The following PWWP2A variants were observed in gnomAD, a reference collection of about 807,000 sequenced individuals.
PWWP2A encodes PWWP domain-containing protein 2A.
A neutral mutation model predicts 48.5 loss-of-function variants in PWWP2A; 18 were observed. The observed-to-expected ratio is 0.37, with a 90% CI of 0.26 to 0.55. The LOEUF (loss-of-function observed/expected upper bound fraction) is 0.55. Ranked by LOEUF, PWWP2A falls within the 20% of genes least tolerant of loss-of-function variation. The pLI is 0.81. For missense variants in PWWP2A, 867 were observed against 976.4 expected (o/e 0.89, Z 1.49); for synonymous variants, 396 against 387.7 (o/e 1.02, Z -0.25).
chr5:160,070,740 A>ACAT (rs1753721684), intron 2 of PWWP2A, among the ~76,000 whole-genome samples: 1 of 152,204 alleles, frequency 6.6e-6, no homozygotes, highest in Non-Finnish European at 1.5e-5. Context: ...CACTGGACAT[A>ACAT]CATCTGAGCT....
At chr5:160,081,239 C>CT (rs11410217) in intron 2 of PWWP2A, among the ~76,000 whole-genome samples, 12,186 of 133,724 alleles carry the variant, frequency 0.091, 658 homozygotes, top group Admixed American at 0.17. Context: ...CAATGACCCC[C>CT]TTTTTTTTTT....
At chr5:160,090,662 A>T, downstream of PWWP2A, 1 of 980,232 alleles carries the variant, frequency 1.0e-6, no homozygotes, top group Non-Finnish European at 1.2e-6. Context: ...AGCTGACAAG[A>T]CTATTGATTT....
chr5:160,110,369 AT>A, intron 1 of PWWP2A, among the ~76,000 whole-genome samples: 1 of 152,142 alleles, frequency 6.6e-6, no homozygotes, highest in African/African-American at 2.4e-5. Flanking sequence ...TTCAGGTGTA[AT>A]AATGGTAGTA....
the PWWP2A span, among the ~76,000 whole-genome samples, chr5:160,045,552 T>TCC: frequency 8.0e-4 from 70 of 87,538 alleles, 3 homozygotes; most frequent in Non-Finnish European, 1.2e-3. Flanking sequence ...TCTCTCTCTC[T>TCC]CCCCCTCCCC....
At chr5:160,099,863 G>T (rs1325769760) in intron 1 of PWWP2A, among the ~76,000 whole-genome samples, 1 of 151,536 alleles carries the variant, frequency 6.6e-6, no homozygotes, top group African/African-American at 2.4e-5. Flanking sequence ...ATGGAGTTTC[G>T]CCATGTTGGC....
In PWWP2A at chr5:160,092,438, C is replaced by T. The variant is rs554518629; in HGVS notation, c.2212G>A (p.Ala738Thr). The change falls in exon 2 of 2, where the codon GCT (alanine) becomes ACT (threonine). Residue 738 changes from alanine to threonine, a missense_variant. Around this residue, in one of 4 missense-constraint regions of PWWP2A, gnomAD observed 97 missense variants for 151.7 expected, o/e 0.64. Transcript: ENST00000307063. ...YRKAITEAAK[A>T]AKQLTPEVRA... ...ACTTCGGGGGTCAGCTGCTTGGCAG[C>T]CTTAGCTGCCTCTGTGATAGCCTTG... is the stretch of plus-strand genomic sequence containing the variant. 6.4e-7 allele frequency: 1 copy of T among 1,551,050 alleles called. No homozygotes were observed. The highest frequency in any genetic ancestry group is 8.7e-7 in the Non-Finnish European group (1 of 1,146,896).
rs1457612941 is a variant in PWWP2A, at chr5:160,119,423, T to A, written c.-35A>T. 27 of 1,349,134 alleles carry A rather than the reference T, an allele frequency of 2.0e-5. No homozygotes were observed. The highest frequency in any genetic ancestry group is 2.0e-4 in the Middle Eastern group (1 of 5,014). The allele number at this position is 1,349,134 out of a possible 1,614,324, so 83.6% of individuals were successfully genotyped here. Reference sequence around the variant, plus strand: ...AGCTTCTCCCTCCTCCAACTCCGGCTGCAGCGGCGGCGGCGACAGCGCTGC... The same window carrying A: ...AGCTTCTCCCTCCTCCAACTCCGGCAGCAGCGGCGGCGGCGACAGCGCTGC... On this transcript the variant is annotated 5_prime_UTR_variant, in exon 1 of 2. Transcript: ENST00000307063.
the PWWP2A span, among the ~76,000 whole-genome samples, chr5:160,047,946 A>G: frequency 6.6e-6 from 1 of 152,152 alleles, no homozygotes; most frequent in Non-Finnish European, 1.5e-5. Flanking sequence ...CTTGCCTACT[A>G]GAATAGCATA....
intron 1 of PWWP2A, among the ~76,000 whole-genome samples, chr5:160,115,867 T>C (rs1005800344): frequency 1.3e-5 from 2 of 151,578 alleles, no homozygotes; most frequent in African/African-American, 4.9e-5. Flanking sequence ...AAAAACACTG[T>C]CTCCTGGATC....
At chr5:160,074,352 C>G (rs1179153748), downstream of PWWP2A, among the ~76,000 whole-genome samples, 1 of 151,392 alleles carries the variant, frequency 6.6e-6, no homozygotes, top group Non-Finnish European at 1.5e-5. Context: ...GCAGGAGAAT[C>G]GCTTGATCCC....
downstream of PWWP2A, among the ~76,000 whole-genome samples, chr5:160,088,271 C>G (rs780923173): frequency 1.8e-4 from 28 of 152,286 alleles, no homozygotes; most frequent in Non-Finnish European, 3.5e-4. Context: ...GTCACCCAGG[C>G]TGGAGTGCAA....
chr5:160,069,814 G>A (rs181434880), intron 2 of PWWP2A, among the ~76,000 whole-genome samples: 95 of 152,282 alleles, frequency 6.2e-4, no homozygotes, highest in African/African-American at 2.1e-3. Flanking sequence ...GCATGTAAGC[G>A]TTTGTCTCCT....
At chr5:160,050,330 C>G in the PWWP2A span, among the ~76,000 whole-genome samples, 9 of 151,654 alleles carry the variant, frequency 5.9e-5, no homozygotes, top group Admixed American at 4.6e-4. Context: ...GCCTGTAATC[C>G]CAGCTACTCG....
At chr5:160,054,892 A>T in the PWWP2A span, among the ~76,000 whole-genome samples, 2 of 152,218 alleles carry the variant, frequency 1.3e-5, no homozygotes, top group African/African-American at 4.8e-5. Flanking sequence ...AGTAAAACTG[A>T]CGAGACACTT....
At chr5:160,089,161 A>C (rs2113509461), downstream of PWWP2A, among the ~76,000 whole-genome samples, 1 of 152,130 alleles carries the variant, frequency 6.6e-6, no homozygotes, top group East Asian at 1.9e-4. Context: ...AAGGCTCCAG[A>C]CTAGTGAATC....
chr5:160,047,124 G>A, the PWWP2A span, among the ~76,000 whole-genome samples: 1 of 152,110 alleles, frequency 6.6e-6, no homozygotes, highest in African/African-American at 2.4e-5. Context: ...ATAAATACAT[G>A]CCATGTGTAT....
chr5:160,089,519 G>T (rs148389364), downstream of PWWP2A: 182 of 1,280,774 alleles, frequency 1.4e-4, 1 homozygote, highest in East Asian at 7.3e-3. Context: ...GCCTCTCACA[G>T]ATAATTGTTT....
chr5:160,090,480 ATTTT>A (rs375322324), downstream of PWWP2A: 1 of 924,848 alleles, frequency 1.1e-6, no homozygotes, highest in African/African-American at 1.8e-5. Flanking sequence ...ATTTCAAAGA[ATTTT>A]TTTTTTAAGT....
At chr5:160,091,130 A>G, downstream of PWWP2A, 1 of 982,528 alleles carries the variant, frequency 1.0e-6, no homozygotes. Flanking sequence ...AAGCATTATC[A>G]AACCTCTATA....
Sources: gnomAD v4.1 joint callset for allele counts (sites outside exome capture counted in the v4.1 genomes callset) on GRCh38, gnomAD v4.1.1 for gene constraint, gnomAD v4.1.1 regional missense constraint, MANE v1.5 for transcripts, NCBI Gene and HGNC (gene_info 2026-07-23, HGNC 2026-07-21) for gene names.